The following OR10H5 variants were observed in gnomAD, a reference collection of about 807,000 sequenced individuals.
The protein encoded by OR10H5 is olfactory receptor 10H5.
In OR10H5, 7 loss-of-function variants were observed where a neutral mutation model predicts 12.2. That is an observed-to-expected ratio of 0.57 (90% confidence interval 0.33 to 1.07). OR10H5 has a LOEUF of 1.07. Ranked by LOEUF, OR10H5 falls within the 50% of genes least tolerant of loss-of-function variation. The pLI is 0.04. For synonymous variants in OR10H5, 159 were observed against 175.1 expected, an observed-to-expected ratio of 0.91 and a Z score of 0.73; for missense variants, 346 against 411.6, an observed-to-expected ratio of 0.84 and a Z score of 1.38.
At chr19:15,788,376 C>T (rs2088793346) in intron 1 of OR10H5, among the ~76,000 whole-genome samples, 1 of 152,160 alleles carries the variant, frequency 6.6e-6, no homozygotes, top group Admixed American at 6.5e-5. Flanking sequence ...GTAGCTGCAT[C>T]GCTCCAATCT....
rs370337382 is a variant in OR10H5 at position 15,794,284 on chromosome 19, C to T, written c.236C>T (p.Pro79Leu). 27 of 1,614,052 alleles carry T rather than the reference C, an allele frequency of 1.7e-5. No homozygotes were observed. The highest frequency in any genetic ancestry group is 1.3e-4 in the African/African-American group (10 of 75,036). The change falls in exon 2 of 2, where the codon CCG (proline) becomes CTG (leucine). Residue 79 changes from proline (P) to leucine (L), a missense_variant. Transcript: ENST00000642092. ...TEILYTVAII[P>L]RMLADLLSTQ... is the part of the protein sequence containing the mutation. ...ATCCTCTACACCGTGGCCATCATCC[C>T]GCGCATGCTGGCCGACCTGCTGTCC...
chr19:15,794,150 G>A lies in OR10H5; in HGVS notation c.102G>A (p.Met34Ile). Residue 34 changes from methionine to isoleucine, a missense_variant, in exon 2 of 2, where the codon ATG becomes ATA. Coordinates refer to ENST00000642092, the MANE Select transcript of OR10H5 (RefSeq NM_001004466.2). ...QLMLFLLFLLMYLFTLLGNLL... is the reference protein window; with the variant it reads ...QLMLFLLFLLIYLFTLLGNLL... ...TGCTCTTCCTGCTGTTCCTGCTGAT[G>A]TACCTGTTCACGCTGCTGGGCAACC... is the stretch of plus-strand genomic sequence containing the variant. 1 of 1,614,100 alleles carries A rather than the reference G, an allele frequency of 6.2e-7. No homozygotes were observed. The highest frequency in any genetic ancestry group is 8.5e-7 in the Non-Finnish European group (1 of 1,180,016).
rs1286580019 is a variant in OR10H5, at chr19:15,797,401, G to C, written c.*2405G>C. 6.6e-6 allele frequency: 1 copy of C among 152,244 alleles called. No homozygotes were observed. Among genetic ancestry groups the C allele is most frequent in the Non-Finnish European group, 1.5e-5 (1 of 68,048 alleles). The allele number at this position is 152,244 out of a possible 1,614,324, so 9.4% of individuals were successfully genotyped here. The stretch of plus-strand genomic sequence containing the variant: ...AAAATCAGACTGTGTGAGTTTGAAA[G>C]AGTGCAGGAAAGGTGGCTTCTGGGT... On this transcript the variant is annotated 3_prime_UTR_variant, in exon 2 of 2. Coordinates refer to ENST00000642092, the MANE Select transcript of OR10H5 (RefSeq NM_001004466.2).
intron 1 of OR10H5, 69 bp from the exon 2 acceptor site, chr19:15,793,969 C>A: frequency 7.4e-7 from 1 of 1,349,930 alleles, no homozygotes; most frequent in South Asian, 1.3e-5. Flanking sequence ...GATGTCCTCC[C>A]AGGTGGGAGT....
intron 1 of OR10H5, among the ~76,000 whole-genome samples, chr19:15,790,494 G>GGC (rs1384556539): frequency 1.3e-5 from 2 of 152,144 alleles, no homozygotes; most frequent in Non-Finnish European, 2.9e-5. Flanking sequence ...GTGACTCCAC[G>GGC]GCCTGGATAT....
In OR10H5 at chr19:15,794,136, C is replaced by G. The variant is rs751460039; in HGVS notation, c.88C>G (p.Leu30Val). Residue 30 changes from leucine to valine, a missense_variant, in exon 2 of 2, where the codon CTG (leucine) becomes GTG (valine). Transcript: ENST00000642092. ...FPHLQLMLFL[L>V]FLLMYLFTLL... ...CCACCTCCAGCTGATGCTCTTCCTG[C>G]TGTTCCTGCTGATGTACCTGTTCAC... 1 of 1,614,202 alleles carries G rather than the reference C, an allele frequency of 6.2e-7. No homozygotes were observed. The highest frequency in any genetic ancestry group is 1.6e-4 in the Middle Eastern group (1 of 6,062).
chr19:15,797,623 T>C lies in OR10H5; in HGVS notation c.*2627T>C, dbSNP rs949575632. 1 of 152,174 alleles carries C rather than the reference T, an allele frequency of 6.6e-6. No homozygotes were observed. Among genetic ancestry groups the C allele is most frequent in the African/African-American group, 2.4e-5 (1 of 41,432 alleles). The allele number at this position is 152,174 out of a possible 1,614,324, so 9.4% of individuals were successfully genotyped here. ...TTGGGCTTAGTGTTGTTTTTATACA[T>C]GGCATATTCTAGACCCTGAGGGCCA... On this transcript the variant is annotated 3_prime_UTR_variant, in exon 2 of 2. Coordinates refer to ENST00000642092, the MANE Select transcript of OR10H5 (RefSeq NM_001004466.2).
In OR10H5 at chr19:15,795,836, G is replaced by A. The variant is rs1222711932; in HGVS notation, c.*840G>A. 1 of 152,166 alleles carries A rather than the reference G, an allele frequency of 6.6e-6. No individual in the cohort carries two copies. Among genetic ancestry groups the A allele is most frequent in the South Asian group, 2.1e-4 (1 of 4,818 alleles). 9.4% of individuals were successfully genotyped at this position (152,166 alleles called of 1,614,324 possible). ...CTGTTGCCCAGGCTGGAGTGCAGTA[G>A]TCCAATCATGGCTAAGTGCAGCGTC... On this transcript the variant is annotated 3_prime_UTR_variant, in exon 2 of 2. Coordinates refer to ENST00000642092, the MANE Select transcript of OR10H5 (RefSeq NM_001004466.2).
rs372973246 is a variant in OR10H5, at chr19:15,794,820, G to T, written c.772G>T (p.Val258Phe). Residue 258 changes from valine (V) to phenylalanine (F), a missense_variant, in exon 2 of 2, where the codon GTC becomes TTC. By Grantham distance (50) the Val-to-Phe change is conservative. Transcript: ENST00000642092. ...VVVVHYGFAS[V>F]IYLKPKGPQS... The stretch of plus-strand genomic sequence containing the variant: ...GGTCGTGCACTATGGCTTTGCCTCC[G>T]TCATTTACCTGAAGCCCAAAGGTCC... 1 of 1,613,980 alleles carries T rather than the reference G, an allele frequency of 6.2e-7. No individual in the cohort carries two copies. Among genetic ancestry groups the T allele is most frequent in the Non-Finnish European group, 8.5e-7 (1 of 1,180,022 alleles).
chr19:15,794,432 C>G lies in OR10H5; in HGVS notation c.384C>G (p.His128Gln), dbSNP rs781262256. Residue 128 changes from histidine to glutamine, a missense_variant, in exon 2 of 2, where the codon CAC becomes CAG. His to Gln is a conservative substitution (Grantham distance 24). Coordinates refer to ENST00000642092, the MANE Select transcript of OR10H5 (RefSeq NM_001004466.2). Reference sequence around the variant, plus strand: ...ACGACCGCTACGTGGCCATCTGCCACCCCCTGCGTTACAACGTGCTCATGA... The same window carrying G: ...ACGACCGCTACGTGGCCATCTGCCAGCCCCTGCGTTACAACGTGCTCATGA... Reference protein sequence around the residue: ...MGYDRYVAICHPLRYNVLMSL... With the variant: ...MGYDRYVAICQPLRYNVLMSL... 3.1e-6 allele frequency: 5 copies of G among 1,614,252 alleles called. No individual in the cohort carries two copies. Among genetic ancestry groups the G allele is most frequent in the Non-Finnish European group, 4.2e-6 (5 of 1,180,040 alleles).
At position 15,794,249 on chromosome 19, in the gene OR10H5, C is replaced by A; in HGVS notation, c.201C>A (p.Ser67=). 2 of 1,613,364 alleles carry A rather than the reference C, an allele frequency of 1.2e-6. No homozygotes were observed. The highest frequency in any genetic ancestry group is 1.3e-5 in the African/African-American group (1 of 74,748). ...MPMYLFLCAL[S]ITEILYTVAI... ...TGTACCTCTTCCTGTGTGCCCTCTC[C>A]ATCACCGAGATCCTCTACACCGTGG... The change falls in exon 2 of 2, where the codon TCC becomes TCA. Residue 67 remains serine, a synonymous_variant. Transcript: ENST00000642092.
chr19:15,788,135 CTG>C (rs143529209), intron 1 of OR10H5, among the ~76,000 whole-genome samples: 7 of 151,438 alleles, frequency 4.6e-5, no homozygotes, highest in Non-Finnish European at 4.4e-5. Flanking sequence ...CCTGCCTTCA[CTG>C]TGTGTGTGTG....
At chr19:15,788,446 A>G (rs2088793899) in intron 1 of OR10H5, among the ~76,000 whole-genome samples, 1 of 152,096 alleles carries the variant, frequency 6.6e-6, no homozygotes, top group South Asian at 2.1e-4. Flanking sequence ...TTTGAGGGGC[A>G]CCAGTTGTTG....
In OR10H5 at chr19:15,795,480, C is replaced by G. The variant is rs571478300; in HGVS notation, c.*484C>G. The G allele has an allele frequency of 6.2e-6, 1 of 161,572 alleles. No homozygotes were observed. Among genetic ancestry groups the G allele is most frequent in the East Asian group, 1.9e-4 (1 of 5,332 alleles). 10.0% of individuals were successfully genotyped at this position (161,572 alleles called of 1,614,324 possible). ...AGCTGGGATTACAGGCACACACCACCATGCCTGGCTAATTTTTGTATTTGT... is the reference window on the plus strand; with the variant it reads ...AGCTGGGATTACAGGCACACACCACGATGCCTGGCTAATTTTTGTATTTGT... On this transcript the variant is annotated 3_prime_UTR_variant, in exon 2 of 2. Coordinates refer to ENST00000642092, the MANE Select transcript of OR10H5 (RefSeq NM_001004466.2).
chr19:15,791,984 T>C (rs1226970341), intron 1 of OR10H5, among the ~76,000 whole-genome samples: 3 of 151,952 alleles, frequency 2.0e-5, no homozygotes, highest in Non-Finnish European at 4.4e-5. Flanking sequence ...CATGAATTAT[T>C]ATTAAATTCT....
intron 1 of OR10H5, 145 bp from the exon 2 acceptor site, chr19:15,793,893 A>G (rs2088821057): frequency 2.8e-6 from 2 of 727,236 alleles, no homozygotes; most frequent in Non-Finnish European, 4.5e-6. Context: ...ACTAAAACTA[A>G]AAATAAATAA....
At position 15,794,472 on chromosome 19, in the gene OR10H5, A is replaced by T. The variant is rs557841248; in HGVS notation, c.424A>T (p.Thr142Ser). Residue 142 changes from threonine (T) to serine (S), a missense_variant, in exon 2 of 2, where the codon ACC (threonine) becomes TCC (serine). Thr to Ser is a moderately conservative substitution (Grantham distance 58). Coordinates refer to ENST00000642092, the MANE Select transcript of OR10H5 (RefSeq NM_001004466.2). ...CGTGCTCATGAGCCTGCGGGGCTGC[A>T]CCTGCCGGGTGGGCTGCTCCTGGGC... is the stretch of plus-strand genomic sequence containing the variant. ...YNVLMSLRGC[T>S]CRVGCSWAGG... 171 of 1,613,982 alleles carry T rather than the reference A, an allele frequency of 1.1e-4. No homozygotes were observed. Among genetic ancestry groups the T allele is most frequent in the Non-Finnish European group, 1.4e-4 (164 of 1,179,994 alleles).
At position 15,795,091 on chromosome 19, in the gene OR10H5, C is replaced by CCTT; in HGVS notation, c.*95_*96insCTT. 1 of 1,039,176 alleles carries CCTT rather than the reference C, an allele frequency of 9.6e-7. No individual in the cohort carries two copies. The highest frequency in any genetic ancestry group is 1.4e-6 in the Non-Finnish European group (1 of 720,586). The allele number at this position is 1,039,176 out of a possible 1,614,324, so 64.4% of individuals were successfully genotyped here. On this transcript the variant is annotated 3_prime_UTR_variant, in exon 2 of 2. Transcript: ENST00000642092. ...CTTTCCTCCCTCCCTCCTTTCCTCC[C>CCTT]TCCCTCCCTTCCTTCCTTCTTTCCT...
In OR10H5 at chr19:15,794,458, GC is replaced by G; in HGVS notation, c.412del (p.Leu138CysfsTer22). 1 of 1,614,254 alleles carries G rather than the reference GC, an allele frequency of 6.2e-7. No individual in the cohort carries two copies. Among genetic ancestry groups the G allele is most frequent in the Non-Finnish European group, 8.5e-7 (1 of 1,180,056 alleles). ...CHPLRYNVLM[S>X]LRGCTCRVGC... ...CCCCTGCGTTACAACGTGCTCATGA[GC>G]CTGCGGGGCTGCACCTGCCGGGTGG... On this transcript the variant is annotated frameshift_variant, in exon 2 of 2. Transcript: ENST00000642092. LOFTEE classifies it high-confidence loss of function.
Sources: gnomAD v4.1 joint callset for allele counts (sites outside exome capture counted in the v4.1 genomes callset) on GRCh38, gnomAD v4.1.1 for gene constraint, MANE v1.5 for transcripts, NCBI Gene and HGNC (gene_info 2026-07-23, HGNC 2026-07-21) for gene names.